The following INPP4B variants were observed in gnomAD, a reference collection of about 807,000 sequenced individuals.
INPP4B encodes inositol polyphosphate-4-phosphatase type II B, also known as inositol polyphosphate 4-phosphatase type II.
Under a neutral mutation model 122.5 loss-of-function variants are expected in INPP4B, and 55 were observed. The observed-to-expected ratio is 0.45, with a 90% CI of 0.36 to 0.56. The LOEUF is 0.56. Ranked by LOEUF, INPP4B falls within the 20% of genes least tolerant of loss-of-function variation. The pLI is 0.00. For missense variants in INPP4B, 1,000 were observed against 1,097.7 expected, an observed-to-expected ratio of 0.91 and a Z score of 1.26; for synonymous variants, 403 against 388.7, an observed-to-expected ratio of 1.04 and a Z score of -0.43.
rs77217219 is a variant in INPP4B at position 142,279,562 on chromosome 4, C to T, written c.504-8788G>A. ...CCATTTGGAAAAAAAATAAACTCTG[C>T]TTAAACTTTACAAATTAAACAAAAG... On this transcript the variant is annotated intron_variant, in intron 9 of 25. Coordinates refer to ENST00000262992, the MANE Select transcript of INPP4B (RefSeq NM_001101669.3). 4.1e-4 allele frequency among the ~76,000 whole-genome samples: 62 copies of T among 151,330 alleles called. 1 individual carries two copies. In the East Asian group the frequency reaches 0.01, roughly 25 times the overall value.
chr4:142,598,396 C>T (rs765921599), intron 2 of INPP4B, among the ~76,000 whole-genome samples: 13 of 152,304 alleles, frequency 8.5e-5, no homozygotes, highest in African/African-American at 2.4e-5. Context: ...GAGACTTAAG[C>T]AGCTGCAACT....
chr4:142,358,404 A>C (rs892338720), intron 7 of INPP4B, among the ~76,000 whole-genome samples: 1 of 151,904 alleles, frequency 6.6e-6, no homozygotes, highest in Admixed American at 6.6e-5. Context: ...CTGCCTCAGC[A>C]AGCACACCCA....
chr4:142,414,792 G>A (rs554272302), intron 5 of INPP4B, among the ~76,000 whole-genome samples: 14 of 152,152 alleles, frequency 9.2e-5, no homozygotes, highest in South Asian at 4.1e-4. Flanking sequence ...GCCTAGCACC[G>A]CCTATCGTTG....
At chr4:142,692,358 T>C (rs1760313042) in intron 2 of INPP4B, among the ~76,000 whole-genome samples, 2 of 152,298 alleles carry the variant, frequency 1.3e-5, no homozygotes, top group South Asian at 4.1e-4. Flanking sequence ...TTCCACCTTC[T>C]ATTTGCCGAC....
chr4:142,062,733 C>T (rs939938515), intron 25 of INPP4B, among the ~76,000 whole-genome samples: 1 of 144,524 alleles, frequency 6.9e-6, no homozygotes, highest in African/African-American at 2.5e-5. Flanking sequence ...AAGACTCCGT[C>T]CCCCCGCAAA....
chr4:142,473,598 C>A (rs1035051496), intron 2 of INPP4B, among the ~76,000 whole-genome samples: 1 of 152,172 alleles, frequency 6.6e-6, no homozygotes, highest in Non-Finnish European at 1.5e-5. Context: ...CACAATAGCC[C>A]CAACAGAGGT....
chr4:142,233,045 G>A (rs141058071), intron 12 of INPP4B, among the ~76,000 whole-genome samples: 23 of 152,268 alleles, frequency 1.5e-4, no homozygotes, highest in Admixed American at 1.5e-3. Flanking sequence ...TAACATAAAA[G>A]TACAAGGTGA....
At chr4:142,766,606 A>C (rs6814777) in intron 1 of INPP4B, 9,941 of 152,246 alleles carry the variant, frequency 0.065, 524 homozygotes, top group African/African-American at 0.14. Context: ...CCTGACCTCA[A>C]GTGATTCTCC....
rs115443815 is a variant in INPP4B at position 142,428,764 on chromosome 4, G to A, written c.136+409C>T. On this transcript the variant is annotated intron_variant, in intron 5 of 25. Transcript: ENST00000262992. ...AGAGTCAGGGAATGTTCTTGAATAC[G>A]AGAGAAATGGGCAAGAATCCTGGAA... is the stretch of plus-strand genomic sequence containing the variant. 5.9e-3 allele frequency among the ~76,000 whole-genome samples: 902 copies of A among 152,082 alleles called. 3 individuals are homozygous for A. The highest frequency in any genetic ancestry group is 9.8e-3 in the Non-Finnish European group (666 of 67,952).
chr4:142,339,700 T>G (rs772133879), intron 7 of INPP4B, among the ~76,000 whole-genome samples: 26 of 152,186 alleles, frequency 1.7e-4, no homozygotes, highest in Non-Finnish European at 2.9e-4. Flanking sequence ...AAAAGTGAAT[T>G]ATGTCTCAAG....
chr4:142,112,419 T>TAAAAAAAA, intron 22 of INPP4B, 123 bp downstream of exon 22: 1 of 1,050,488 alleles, frequency 9.5e-7, no homozygotes, highest in South Asian at 1.5e-5. Context: ...TTGATACTGA[T>TAAAAAAAA]AAAAAGAAAA....
intron 8 of INPP4B, among the ~76,000 whole-genome samples, chr4:142,308,925 C>A (rs1579688902): frequency 6.6e-6 from 1 of 152,050 alleles, no homozygotes; most frequent in African/African-American, 2.4e-5. Context: ...CTTCTTCCGG[C>A]CCCCAGGCTC....
At chr4:142,425,851 A>G (rs1188338538) in intron 5 of INPP4B, among the ~76,000 whole-genome samples, 2 of 151,998 alleles carry the variant, frequency 1.3e-5, no homozygotes, top group African/African-American at 4.8e-5. Context: ...GTGCTTATTA[A>G]TGCTTTCACT....
chr4:142,344,304 T>C (rs1247750755), intron 7 of INPP4B, among the ~76,000 whole-genome samples: 1 of 137,938 alleles, frequency 7.2e-6, no homozygotes, highest in African/African-American at 2.5e-5. Flanking sequence ...ATGTATATTT[T>C]TAAAATAAAA....
intron 2 of INPP4B, among the ~76,000 whole-genome samples, chr4:142,501,557 G>A (rs1311678909): frequency 1.3e-5 from 2 of 150,350 alleles, no homozygotes; most frequent in Non-Finnish European, 3.0e-5. Flanking sequence ...AAAACATGAG[G>A]AAAAAAATAA....
At chr4:142,334,070 CTA>C (rs1775668875) in intron 7 of INPP4B, among the ~76,000 whole-genome samples, 2 of 152,152 alleles carry the variant, frequency 1.3e-5, no homozygotes, top group East Asian at 1.9e-4. Flanking sequence ...TGTTCTGTTT[CTA>C]TGAGTTTGAC....
chr4:142,711,414 T>G (rs1380208616), intron 2 of INPP4B, among the ~76,000 whole-genome samples: 1 of 152,164 alleles, frequency 6.6e-6, no homozygotes, highest in Non-Finnish European at 1.5e-5. Context: ...AATTTCTGTT[T>G]TGTAGACTGC....
intron 2 of INPP4B, among the ~76,000 whole-genome samples, chr4:142,612,681 A>G (rs917079982): frequency 1.3e-5 from 2 of 152,192 alleles, no homozygotes; most frequent in African/African-American, 4.8e-5. Flanking sequence ...CATGGAGGAA[A>G]GGGAAAGAAA....
At chr4:142,512,488 TA>T (rs2149874047) in intron 2 of INPP4B, among the ~76,000 whole-genome samples, 1 of 152,332 alleles carries the variant, frequency 6.6e-6, no homozygotes, top group Admixed American at 6.5e-5. Context: ...GATTTTTCTA[TA>T]CCTTTTTCTA....
Sources: gnomAD v4.1 joint callset for allele counts (sites outside exome capture counted in the v4.1 genomes callset) on GRCh38, gnomAD v4.1.1 for gene constraint, MANE v1.5 for transcripts, NCBI Gene and HGNC (gene_info 2026-07-23, HGNC 2026-07-21) for gene names.